Variants in AUTS2 observed in about 807,000 individuals in gnomAD.
The protein encoded by AUTS2 is autism susceptibility gene 2 protein.
AUTS2 carries 17 observed loss-of-function variants against 112.4 expected under a neutral mutation model. The ratio of observed to expected loss-of-function variants is 0.15; its 90% confidence interval spans 0.10 to 0.23. The LOEUF (loss-of-function observed/expected upper bound fraction) is 0.23. AUTS2 is among the 10% of genes least tolerant of loss of function. AUTS2 has a pLI of 1.00. For missense variants in AUTS2, 1,510 were observed against 1,701.6 expected (o/e 0.89, Z 1.98); for synonymous variants, 751 against 702.7 (o/e 1.07, Z -1.09).
chr7:70,426,734 A>G (rs577370269), intron 4 of AUTS2, among the ~76,000 whole-genome samples: 2 of 152,288 alleles, frequency 1.3e-5, no homozygotes, highest in South Asian at 2.1e-4. Context: ...AGCATGTTCC[A>G]TTTGCCTCAC....
chr7:70,710,102 A>G (rs1484158716), intron 6 of AUTS2, among the ~76,000 whole-genome samples: 2 of 152,040 alleles, frequency 1.3e-5, no homozygotes, highest in African/African-American at 2.4e-5. Context: ...GAGATGATTT[A>G]TCTGCTCAGT....
At chr7:70,322,164 C>T (rs1266928633) in intron 4 of AUTS2, among the ~76,000 whole-genome samples, 1 of 151,686 alleles carries the variant, frequency 6.6e-6, no homozygotes, top group Non-Finnish European at 1.5e-5. Flanking sequence ...GCATTTGTGA[C>T]TTTTTTTAAA....
rs887526771 is a variant in AUTS2, at chr7:69,667,232, C to T, written c.309+67270C>T. Among the ~76,000 whole-genome samples the T allele has an allele frequency of 1.4e-4, 21 of 152,160 alleles. 1 individual carries two copies. The highest frequency in any genetic ancestry group is 4.8e-4 in the African/African-American group (20 of 41,444). On this transcript the variant is annotated intron_variant, in intron 1 of 18. Transcript: ENST00000342771. Reference sequence around the variant, plus strand: ...GGCAGAGCCCCCATGACCCAGTCACCTCTTAAAGACTGTATCTCTCCATGT... The same window carrying T: ...GGCAGAGCCCCCATGACCCAGTCACTTCTTAAAGACTGTATCTCTCCATGT...
chr7:70,083,671 G>C (rs1038703260), intron 2 of AUTS2, among the ~76,000 whole-genome samples: 1 of 152,182 alleles, frequency 6.6e-6, no homozygotes, highest in Non-Finnish European at 1.5e-5. Flanking sequence ...AACAGGCTAG[G>C]TGTGATGGCT....
In AUTS2 at chr7:70,685,691, T is replaced by C. The variant is rs567903689; in HGVS notation, c.691-12878T>C. The stretch of plus-strand genomic sequence containing the variant: ...AACATCTAAGGTGGTTTCAGGGCCC[T>C]CTTTTACCCTGAATTGTTTTTTAAA... On this transcript the variant is annotated intron_variant, in intron 5 of 18. Coordinates refer to ENST00000342771, the MANE Select transcript of AUTS2 (RefSeq NM_015570.4). 2.6e-5 allele frequency among the ~76,000 whole-genome samples: 4 copies of C among 152,138 alleles called. No individual in the cohort carries two copies. The East Asian group carries it at 7.8e-4, about 29-fold the overall frequency.
intron 4 of AUTS2, among the ~76,000 whole-genome samples, chr7:70,428,540 A>G (rs1012421575): frequency 2.0e-5 from 3 of 152,232 alleles, no homozygotes; most frequent in African/African-American, 7.2e-5. Context: ...TGTCACTGGC[A>G]AAGTTAAATT....
intron 4 of AUTS2, among the ~76,000 whole-genome samples, chr7:70,428,235 G>C (rs1020303438): frequency 6.6e-6 from 1 of 152,130 alleles, no homozygotes; most frequent in Non-Finnish European, 1.5e-5. Context: ...ACCAATATGA[G>C]AGCAATGTAA....
intron 5 of AUTS2, among the ~76,000 whole-genome samples, chr7:70,447,962 G>C (rs1480689577): frequency 3.3e-5 from 5 of 152,168 alleles, no homozygotes; most frequent in African/African-American, 1.2e-4. Context: ...TTATTGGAAA[G>C]GCTGTAATAA....
At chr7:70,769,242 G>T (rs1438756576) in intron 10 of AUTS2, among the ~76,000 whole-genome samples, 1 of 152,176 alleles carries the variant, frequency 6.6e-6, no homozygotes, top group Non-Finnish European at 1.5e-5. Context: ...GGTCCCCGCT[G>T]TTCTGCTCAG....
intron 1 of AUTS2, among the ~76,000 whole-genome samples, chr7:69,623,381 A>ATTTTTTTTT (rs56204810): frequency 2.8e-5 from 2 of 71,942 alleles, no homozygotes; most frequent in African/African-American, 5.5e-5. Flanking sequence ...ACGCCCAGCA[A>ATTTTTTTTT]TTTTTTTTTT....
chr7:70,010,437 C>T (rs917501549), intron 2 of AUTS2, among the ~76,000 whole-genome samples: 5 of 152,172 alleles, frequency 3.3e-5, no homozygotes, highest in African/African-American at 9.7e-5. Context: ...TAAGGCACTA[C>T]GCCTGGCTGA....
At chr7:70,496,339 A>G (rs1452429638) in intron 5 of AUTS2, among the ~76,000 whole-genome samples, 30 of 126,800 alleles carry the variant, frequency 2.4e-4, no homozygotes, top group Non-Finnish European at 4.6e-4. Flanking sequence ...CGCACACCCC[A>G]CACATGCACA....
At chr7:69,647,024 C>G (rs1172797441) in intron 1 of AUTS2, among the ~76,000 whole-genome samples, 6 of 152,138 alleles carry the variant, frequency 3.9e-5, no homozygotes, top group African/African-American at 1.4e-4. Context: ...GGAGGCGGAG[C>G]TTGCAGTGAG....
chr7:70,171,691 G>A (rs932611904), intron 4 of AUTS2, among the ~76,000 whole-genome samples: 3 of 152,216 alleles, frequency 2.0e-5, no homozygotes, highest in Non-Finnish European at 2.9e-5. Context: ...AAAGGTATGA[G>A]TTCATGAGCA....
intron 4 of AUTS2, among the ~76,000 whole-genome samples, chr7:70,287,772 G>A (rs1385477673): frequency 2.6e-5 from 4 of 151,326 alleles, no homozygotes; most frequent in Admixed American, 2.6e-4. Context: ...AGATGAAGAA[G>A]GAGAGCGAAC....
At chr7:69,836,730 C>A (rs984420500) in intron 1 of AUTS2, among the ~76,000 whole-genome samples, 1 of 152,176 alleles carries the variant, frequency 6.6e-6, no homozygotes, top group African/African-American at 2.4e-5. Context: ...CACACTTAAA[C>A]TCTGTTTCAG....
At chr7:69,882,037 C>T in intron 1 of AUTS2, among the ~76,000 whole-genome samples, 1 of 151,008 alleles carries the variant, frequency 6.6e-6, no homozygotes, top group East Asian at 2.0e-4. Context: ...GTAACCCCAG[C>T]TACTCAGGAG....
chr7:70,052,405 G>A (rs1410366829), intron 2 of AUTS2, among the ~76,000 whole-genome samples: 3 of 152,124 alleles, frequency 2.0e-5, no homozygotes, highest in African/African-American at 7.2e-5. Flanking sequence ...AGCACCCAGT[G>A]AGGTACAGAT....
Position 69,899,514 on chromosome 7 carries a change from T to C in AUTS2, c.522+16T>C. On this transcript the variant is annotated intron_variant, in intron 2 of 18. Coordinates refer to ENST00000342771, the MANE Select transcript of AUTS2 (RefSeq NM_015570.4). ...ACTCAGACAGGTGAGGAAGCTTGGG[T>C]TCGCTCTTTCCTGTGGCGGCAAAAT... 6.2e-7 allele frequency: 1 copy of C among 1,613,212 alleles called. No individual in the cohort carries two copies. The highest frequency in any genetic ancestry group is 1.7e-4 in the Middle Eastern group (1 of 6,024).
Sources: gnomAD v4.1 joint callset for allele counts (sites outside exome capture counted in the v4.1 genomes callset) on GRCh38, gnomAD v4.1.1 for gene constraint, MANE v1.5 for transcripts, NCBI Gene and HGNC (gene_info 2026-07-23, HGNC 2026-07-21) for gene names.